The following ABR variants were observed in gnomAD, a reference collection of about 807,000 sequenced individuals.
The protein encoded by ABR is active breakpoint cluster region-related protein.
Under a neutral mutation model 107.2 loss-of-function variants are expected in ABR, and 35 were observed. The ratio of observed to expected loss-of-function variants is 0.33; its 90% CI spans 0.25 to 0.43. ABR has a LOEUF of 0.43. Among genes scored for constraint, ABR ranks in the 20% least tolerant of loss-of-function variants. The pLI, the probability that ABR is intolerant of heterozygous loss-of-function variation, is 1.00. For synonymous variants in ABR, 498 were observed against 462.0 expected (o/e 1.08, Z -1.00); for missense variants, 815 against 1,115.2 (o/e 0.73, Z 3.83).
chr17:1,104,048 G>T (rs933665246), intron 2 of ABR, among the ~76,000 whole-genome samples: 2 of 148,478 alleles, frequency 1.3e-5, no homozygotes, highest in Admixed American at 6.7e-5. Flanking sequence ...AGGTGAAGGA[G>T]AGGTGCCCAC....
chr17:1,017,217 G>A (rs1270694678), intron 16 of ABR, among the ~76,000 whole-genome samples: 1 of 152,056 alleles, frequency 6.6e-6, no homozygotes, highest in African/African-American at 2.4e-5. Flanking sequence ...CTCAAAGGAA[G>A]CCCCAGCTCT....
At chr17:1,064,557 G>C (rs1309890651) in intron 10 of ABR, among the ~76,000 whole-genome samples, 1 of 124,482 alleles carries the variant, frequency 8.0e-6, no homozygotes, top group African/African-American at 3.0e-5. Flanking sequence ...TGAACTGAGG[G>C]CTATGCATGT....
In ABR at chr17:1,058,740, C is replaced by G; in HGVS notation, c.1305+5G>C. 3.1e-6 allele frequency: 5 copies of G among 1,614,018 alleles called. No homozygotes were observed. Among genetic ancestry groups the G allele is most frequent in the Non-Finnish European group, 4.2e-6 (5 of 1,179,944 alleles). ...TGTCTTGGTCCCACCCCCACCCATC[C>G]TGACCTTTCCATTCCGATTGTGGAT... On this transcript the variant is annotated splice_donor_5th_base_variant and intron_variant, in intron 11 of 22. Coordinates refer to ENST00000302538, the MANE Select transcript of ABR (RefSeq NM_021962.5).
Position 1,012,000 on chromosome 17 carries a change from G to T in ABR, c.1962-15C>A, listed in dbSNP as rs1350525737. 2 of 1,611,464 alleles carry T rather than the reference G, an allele frequency of 1.2e-6. No homozygotes were observed. The highest frequency in any genetic ancestry group is 1.7e-6 in the Non-Finnish European group (2 of 1,178,222). On this transcript the variant is annotated splice_polypyrimidine_tract_variant and intron_variant, in intron 18 of 22. Transcript: ENST00000302538. This position sits in a 1 kb window ranked among gnomAD's most constrained non-coding sequence, Gnocchi z 4.8. ...AGCGCTCCCGCCTGGGGTGGAGCGT[G>T]AGGATGGGTGGAGGGCAGCCCCCAC...
intron 16 of ABR, among the ~76,000 whole-genome samples, chr17:1,021,490 G>GC (rs773529720): frequency 6.6e-6 from 1 of 152,224 alleles, no homozygotes; most frequent in Non-Finnish European, 1.5e-5. Context: ...CCTCAGAGGG[G>GC]GTTGCAGAGG....
rs188981624 is a variant in ABR at position 1,101,952 on chromosome 17, C to G, written c.247-1217G>C. 3.3e-3 allele frequency among the ~76,000 whole-genome samples: 506 copies of G among 152,160 alleles called. 1 individual carries two copies. Among genetic ancestry groups the G allele is most frequent in the Non-Finnish European group, 6.1e-3 (412 of 67,992 alleles). ...ATTTCACCGTGTTAGCCAGGATGGT[C>G]TCGATCTCCTGACCTCGTGATCCGC... On this transcript the variant is annotated intron_variant, in intron 2 of 22. Coordinates refer to ENST00000302538, the MANE Select transcript of ABR (RefSeq NM_021962.5).
intron 2 of ABR, among the ~76,000 whole-genome samples, chr17:1,122,382 G>A (rs1444542750): frequency 6.6e-6 from 1 of 152,240 alleles, no homozygotes; most frequent in Admixed American, 6.5e-5. Context: ...AGGTTGATAT[G>A]TGTATTGGTG....
At chr17:1,026,623 T>C (rs1474216272) in intron 16 of ABR, among the ~76,000 whole-genome samples, 1 of 152,144 alleles carries the variant, frequency 6.6e-6, no homozygotes, top group Admixed American at 6.5e-5. Flanking sequence ...GCCAAGGGTC[T>C]ACGGCTCACT....
chr17:1,128,134 G>A (rs2039676738), intron 1 of ABR, among the ~76,000 whole-genome samples: 2 of 152,192 alleles, frequency 1.3e-5, no homozygotes, highest in Non-Finnish European at 2.9e-5. Flanking sequence ...CTCGGCCTGC[G>A]AACATTTCCA....
chr17:1,184,158 A>C (rs1333142255), upstream of ABR, among the ~76,000 whole-genome samples: 1 of 147,678 alleles, frequency 6.8e-6, no homozygotes, highest in African/African-American at 2.5e-5. Flanking sequence ...CTCCCTCTCA[A>C]AAAAAAAAAA....
intron 1 of ABR, among the ~76,000 whole-genome samples, chr17:1,170,907 C>T (rs909395577): frequency 2.6e-5 from 4 of 152,220 alleles, no homozygotes; most frequent in East Asian, 3.9e-4. Flanking sequence ...CTCCCGTGGG[C>T]GCCATTGCAC....
At position 1,051,313 on chromosome 17, in the gene ABR, C is replaced by T. The variant is rs1183169188; in HGVS notation, c.1562-679G>A. Among the ~76,000 whole-genome samples the T allele has an allele frequency of 6.6e-6, 1 of 152,190 alleles. No individual in the cohort carries two copies. The highest frequency in any genetic ancestry group is 2.4e-5 in the African/African-American group (1 of 41,442). ...GTGGAGAGAAGCCTGGGTTTTCCTG[C>T]CTGCCGGTGTACCCGCAGTACCAAG... On this transcript the variant is annotated intron_variant, in intron 14 of 22. Coordinates refer to ENST00000302538, the MANE Select transcript of ABR (RefSeq NM_021962.5). This position sits in a 1 kb window ranked among gnomAD's most constrained non-coding sequence, Gnocchi z 4.3.
chr17:1,182,036 T>C (rs2150653946), upstream of ABR: 1 of 152,346 alleles, frequency 6.6e-6, no homozygotes, highest in East Asian at 1.9e-4. Context: ...TTCCTTCGCG[T>C]TGCCATAGTT....
intron 1 of ABR, among the ~76,000 whole-genome samples, chr17:1,227,078 C>T (rs1428395386): frequency 6.6e-6 from 1 of 152,188 alleles, no homozygotes; most frequent in African/African-American, 2.4e-5. Context: ...CGTGCCCCAG[C>T]TCACGTCTGT....
intron 2 of ABR, among the ~76,000 whole-genome samples, chr17:1,111,472 G>A (rs1473616470): frequency 6.6e-6 from 1 of 151,188 alleles, no homozygotes; most frequent in African/African-American, 2.5e-5. Context: ...AATGCCCTGA[G>A]CCAGCCCTGG....
At chr17:1,170,144 C>T (rs11654587) in intron 1 of ABR, among the ~76,000 whole-genome samples, 2,192 of 152,238 alleles carry the variant, frequency 0.014, 36 homozygotes, top group Non-Finnish European at 0.019. Context: ...GAAGAGGCAG[C>T]CCAGTTGGTG....
chr17:1,024,049 A>AAAAAAAAAAAAAAAAG (rs2071963289), intron 16 of ABR, among the ~76,000 whole-genome samples: 9 of 140,520 alleles, frequency 6.4e-5, no homozygotes, highest in African/African-American at 2.5e-4. Context: ...AAAAAAAAAA[A>AAAAAAAAAAAAAAAAG]GCAGCATCAA....
At chr17:1,069,160 G>C (rs1377571489) in intron 9 of ABR, among the ~76,000 whole-genome samples, 1 of 152,108 alleles carries the variant, frequency 6.6e-6, no homozygotes, top group Non-Finnish European at 1.5e-5. Context: ...GCCCCAAATT[G>C]GGCATTCACA....
intron 1 of ABR, among the ~76,000 whole-genome samples, chr17:1,172,498 C>T (rs1268861691): frequency 1.3e-5 from 2 of 152,168 alleles, no homozygotes; most frequent in Admixed American, 1.3e-4. Flanking sequence ...CACCTGTCAT[C>T]CCAGCACTTT....
Sources: gnomAD v4.1 joint callset for allele counts (sites outside exome capture counted in the v4.1 genomes callset) on GRCh38, gnomAD v4.1.1 for gene constraint, Gnocchi (gnomAD v3.1) non-coding constraint, MANE v1.5 for transcripts, NCBI Gene and HGNC (gene_info 2026-07-23, HGNC 2026-07-21) for gene names.